Variants in SETBP1 observed in about 807,000 individuals in gnomAD.
SETBP1 encodes the protein SET-binding protein.
A neutral mutation model predicts 101.0 loss-of-function variants in SETBP1; 9 were observed. That is an observed-to-expected ratio of 0.09 (90% CI 0.05 to 0.16). The LOEUF is 0.16. Among genes scored for constraint, SETBP1 ranks in the 10% least tolerant of loss-of-function variants. SETBP1 has a pLI of 1.00. For missense variants in SETBP1, 1,858 were observed against 2,033.8 expected, an observed-to-expected ratio of 0.91 and a Z score of 1.66; for synonymous variants, 818 against 788.5, an observed-to-expected ratio of 1.04 and a Z score of -0.63.
intron 3 of SETBP1, chr18:44,872,129 TG>T (rs995262223): frequency 6.6e-6 from 1 of 152,250 alleles, no homozygotes; most frequent in Non-Finnish European, 1.5e-5. Context: ...TTTGTCTGTC[TG>T]GTCCCCTGCA....
intron 3 of SETBP1, among the ~76,000 whole-genome samples, chr18:44,878,527 C>T (rs1162475333): frequency 6.6e-6 from 1 of 152,154 alleles, no homozygotes; most frequent in East Asian, 1.9e-4. Context: ...TGATACATGA[C>T]TGTGCTTTAT....
chr18:45,044,337 C>T (rs1229821186), intron 5 of SETBP1, among the ~76,000 whole-genome samples: 2 of 152,152 alleles, frequency 1.3e-5, no homozygotes, highest in Non-Finnish European at 2.9e-5. Context: ...CTGAAAAGTG[C>T]TACCTATGGG....
chr18:44,904,071 A>C (rs1034895652), intron 3 of SETBP1, among the ~76,000 whole-genome samples: 1 of 152,242 alleles, frequency 6.6e-6, no homozygotes, highest in African/African-American at 2.4e-5. Flanking sequence ...ATATTTGCTC[A>C]ATGAGTGGAC....
At chr18:44,715,816 T>A (rs1433898925) in intron 2 of SETBP1, among the ~76,000 whole-genome samples, 1 of 152,226 alleles carries the variant, frequency 6.6e-6, no homozygotes, top group East Asian at 1.9e-4. Flanking sequence ...CTTCTCTTAA[T>A]AAAGCCCCCA....
chr18:44,771,457 G>A (rs764114652), intron 2 of SETBP1, among the ~76,000 whole-genome samples: 33 of 151,900 alleles, frequency 2.2e-4, no homozygotes, highest in Non-Finnish European at 4.0e-4. Context: ...TAGGCAGAGA[G>A]CTCATCCAAA....
intron 4 of SETBP1, among the ~76,000 whole-genome samples, chr18:45,022,612 G>A (rs761551178): frequency 1.5e-4 from 23 of 152,064 alleles, no homozygotes; most frequent in Non-Finnish European, 2.6e-4. Flanking sequence ...GGCAGATCAC[G>A]TGAGGTCAGG....
intron 4 of SETBP1, among the ~76,000 whole-genome samples, chr18:44,982,676 G>C (rs1234449201): frequency 6.6e-6 from 1 of 152,196 alleles, no homozygotes; most frequent in Non-Finnish European, 1.5e-5. Context: ...CAGAATATAT[G>C]ATGCTTCCTC....
At chr18:44,796,063 C>T (rs1393935978) in intron 2 of SETBP1, among the ~76,000 whole-genome samples, 2 of 152,168 alleles carry the variant, frequency 1.3e-5, no homozygotes, top group Non-Finnish European at 1.5e-5. Flanking sequence ...GGATGGGATA[C>T]GACATAATCA....
At chr18:44,710,682 C>T (rs898108826) in intron 2 of SETBP1, among the ~76,000 whole-genome samples, 19 of 152,082 alleles carry the variant, frequency 1.2e-4, no homozygotes, top group African/African-American at 4.6e-4. Context: ...GAACTCCTGA[C>T]CTCGTGATCT....
chr18:44,976,073 T>TACACACACACAC (rs57458132), intron 4 of SETBP1, among the ~76,000 whole-genome samples: 62 of 143,682 alleles, frequency 4.3e-4, no homozygotes, highest in Middle Eastern at 3.5e-3. Context: ...TGGGGAGGGA[T>TACACACACACAC]ACACACACAC....
chr18:44,841,530 A>G (rs998121511), intron 2 of SETBP1, among the ~76,000 whole-genome samples: 23 of 152,168 alleles, frequency 1.5e-4, no homozygotes, highest in African/African-American at 5.3e-4. Flanking sequence ...TTGTGGACTT[A>G]TTTGAAAACC....
chr18:44,775,587 GT>G (rs929527247), intron 2 of SETBP1, among the ~76,000 whole-genome samples: 7 of 150,014 alleles, frequency 4.7e-5, no homozygotes, highest in Non-Finnish European at 7.4e-5. Context: ...TTTCTAATTT[GT>G]TTTTTTTCTA....
intron 2 of SETBP1, among the ~76,000 whole-genome samples, chr18:44,799,927 G>A (rs1195646071): frequency 2.0e-5 from 3 of 152,188 alleles, no homozygotes; most frequent in African/African-American, 7.2e-5. Context: ...AAGAGGCAAG[G>A]GCAAGATGTC....
At chr18:44,841,102 A>G (rs759370438) in intron 2 of SETBP1, among the ~76,000 whole-genome samples, 1 of 152,254 alleles carries the variant, frequency 6.6e-6, no homozygotes, top group South Asian at 2.1e-4. Flanking sequence ...TCTATCAGTT[A>G]GGAATCTAGG....
At chr18:44,785,525 A>G (rs1171514643) in intron 2 of SETBP1, among the ~76,000 whole-genome samples, 2 of 151,998 alleles carry the variant, frequency 1.3e-5, no homozygotes, top group Admixed American at 1.3e-4. Context: ...TTCTCTTTTG[A>G]GCATTAAGGA....
chr18:45,055,040 T>A (rs1275155677), intron 5 of SETBP1, among the ~76,000 whole-genome samples: 1 of 152,170 alleles, frequency 6.6e-6, no homozygotes, highest in Non-Finnish European at 1.5e-5. Context: ...GAGTTGACAG[T>A]CTGAAACAAT....
intron 4 of SETBP1, among the ~76,000 whole-genome samples, chr18:44,963,044 C>G (rs2071644908): frequency 6.6e-6 from 1 of 152,182 alleles, no homozygotes; most frequent in Non-Finnish European, 1.5e-5. Context: ...TGCTTTTCCA[C>G]TCGACAGCCA....
At chr18:44,906,690 G>A (rs965098501) in intron 3 of SETBP1, among the ~76,000 whole-genome samples, 2 of 152,108 alleles carry the variant, frequency 1.3e-5, no homozygotes, top group African/African-American at 4.8e-5. Context: ...CAACAAGGGA[G>A]GAGAAATAAA....
chr18:44,898,482 T>C (rs2144817710), intron 3 of SETBP1, among the ~76,000 whole-genome samples: 1 of 152,290 alleles, frequency 6.6e-6, no homozygotes, highest in East Asian at 1.9e-4. Context: ...TAATAAGCCC[T>C]GCAGGTAAAT....
Sources: gnomAD v4.1 joint callset for allele counts (sites outside exome capture counted in the v4.1 genomes callset) on GRCh38, gnomAD v4.1.1 for gene constraint, MANE v1.5 for transcripts, NCBI Gene and HGNC (gene_info 2026-07-23, HGNC 2026-07-21) for gene names.